The following C4orf54 variants were observed in gnomAD, a reference collection of about 807,000 sequenced individuals.
C4orf54 encodes the protein uncharacterized protein C4orf54.
C4orf54 carries 67 observed loss-of-function variants against 80.1 expected under a neutral mutation model. The ratio of observed to expected loss-of-function variants is 0.84; its 90% CI spans 0.69 to 1.03. C4orf54 has a LOEUF of 1.03. C4orf54 is among the 50% of genes least tolerant of loss of function. The pLI is 0.00. For missense variants in C4orf54, 2,434 were observed against 2,253.5 expected, an observed-to-expected ratio of 1.08 and a Z score of -1.62; for synonymous variants, 1,000 against 917.0, an observed-to-expected ratio of 1.09 and a Z score of -1.64.
Position 99,651,905 on chromosome 4 carries a change from G to C in C4orf54, c.2744C>G (p.Thr915Ser). Residue 915 changes from threonine to serine, a missense_variant, in exon 2 of 3, where the codon ACC becomes AGC. By Grantham distance (58) the Thr-to-Ser change is moderately conservative (BLOSUM62 1). Coordinates refer to ENST00000511828, the MANE Select transcript of C4orf54 (RefSeq NM_001354435.2). ...TTCACACACTTCTGTGTGTCCATCG[G>C]TGAAATTCCGGCCAGGGCCTGCGTT... ...ERNAGPGRNF[T>S]DGHTEVCEIK... The C allele has an allele frequency of 6.5e-7, 1 of 1,536,112 alleles. No homozygotes were observed. Among genetic ancestry groups the C allele is most frequent in the East Asian group, 2.4e-5 (1 of 40,898 alleles).
chr4:99,642,472 G>T (rs562542841), intron 2 of C4orf54, among the ~76,000 whole-genome samples: 1 of 152,098 alleles, frequency 6.6e-6, no homozygotes, highest in Non-Finnish European at 1.5e-5. Flanking sequence ...GGAGAAATCT[G>T]GTTATACAAT....
chr4:99,653,502 C>G lies in C4orf54; in HGVS notation c.1147G>C (p.Asp383His). The G allele has an allele frequency of 1.3e-6, 2 of 1,536,110 alleles. No individual in the cohort carries two copies. Among genetic ancestry groups the G allele is most frequent in the South Asian group, 1.2e-5 (1 of 84,052 alleles). ...IQLSEVEQDMDFDVGLASRWD... is the reference protein window; with the variant it reads ...IQLSEVEQDMHFDVGLASRWD... ...CGGGAGGCCAGTCCCACGTCGAAAT[C>G]CATGTCCTGTTCCACCTCACTCAGC... The change falls in exon 2 of 3, where the codon GAT becomes CAT. Residue 383 changes from aspartate to histidine, a missense_variant. Asp to His is a moderately conservative substitution (Grantham distance 81). Coordinates refer to ENST00000511828, the MANE Select transcript of C4orf54 (RefSeq NM_001354435.2).
At chr4:99,643,792 A>ACACACACCCCC (rs61130907) in intron 2 of C4orf54, among the ~76,000 whole-genome samples, 63 of 98,854 alleles carry the variant, frequency 6.4e-4, no homozygotes, top group Non-Finnish European at 9.4e-4. Context: ...ACACACACAC[A>ACACACACCCCC]CCCCCTCCGC....
At chr4:99,646,057 G>T (rs2110249878) in intron 2 of C4orf54, among the ~76,000 whole-genome samples, 1 of 152,142 alleles carries the variant, frequency 6.6e-6, no homozygotes, top group African/African-American at 2.4e-5. Context: ...ACATTTATAA[G>T]AGAATAATCA....
In C4orf54 at chr4:99,638,879, C is replaced by A. The variant is rs1181565595; in HGVS notation, c.*2354G>T. 1 of 152,100 alleles carries A rather than the reference C, an allele frequency of 6.6e-6. No homozygotes were observed. Among genetic ancestry groups the A allele is most frequent in the Non-Finnish European group, 1.5e-5 (1 of 67,972 alleles). 9.4% of individuals were successfully genotyped at this position (152,100 alleles called of 1,614,324 possible). Reference sequence around the variant, plus strand: ...TTAATAGAACATTATTTAAAAGTTGCGTTTTTAGCCACTTGGACATCACTG... The same window carrying A: ...TTAATAGAACATTATTTAAAAGTTGAGTTTTTAGCCACTTGGACATCACTG... On this transcript the variant is annotated 3_prime_UTR_variant, in exon 3 of 3. Transcript: ENST00000511828.
Position 99,649,317 on chromosome 4 carries a change from G to T in C4orf54, c.5332C>A (p.Pro1778Thr), listed in dbSNP as rs1041512270. 19 of 1,535,516 alleles carry T rather than the reference G, an allele frequency of 1.2e-5. No individual in the cohort carries two copies. Among genetic ancestry groups the T allele is most frequent in the Non-Finnish European group, 1.6e-5 (18 of 1,146,494 alleles). ...SQPLGPRIIA[P>T]PSFDGTTMSF... ...ATGGTGGTGCCATCAAAGGAAGGGG[G>T]AGCAATGATCCGTGGCCCCAGGGGC... Residue 1778 changes from proline (P) to threonine (T), a missense_variant, in exon 2 of 3, where the codon CCC becomes ACC. Physicochemically the swap from Pro to Thr is conservative, Grantham distance 38. Transcript: ENST00000511828.
intron 1 of C4orf54, among the ~76,000 whole-genome samples, chr4:99,655,176 G>C (rs1258186811): frequency 2.0e-5 from 3 of 152,054 alleles, no homozygotes; most frequent in Admixed American, 2.0e-4. Flanking sequence ...TATGAAACAC[G>C]ACCTGTTTGG....
In C4orf54 at chr4:99,651,728, G is replaced by T; in HGVS notation, c.2921C>A (p.Ala974Asp). The change falls in exon 2 of 3, where the codon GCT becomes GAT. Residue 974 changes from alanine to aspartate, a missense_variant. By Grantham distance (126) the Ala-to-Asp change is moderately radical. Coordinates refer to ENST00000511828, the MANE Select transcript of C4orf54 (RefSeq NM_001354435.2). ...GCTGGCAGAAATCTCCCCGAGATCAGCCCGCCAGTCGCCTCCTTTGGGCAG... is the reference window on the plus strand; with the variant it reads ...GCTGGCAGAAATCTCCCCGAGATCATCCCGCCAGTCGCCTCCTTTGGGCAG... ...LKLPKGGDWR[A>D]DLGEISASKN... 2.0e-6 allele frequency: 3 copies of T among 1,536,098 alleles called. No individual in the cohort carries two copies. Among genetic ancestry groups the T allele is most frequent in the Non-Finnish European group, 1.7e-6 (2 of 1,146,896 alleles).
Position 99,653,592 on chromosome 4 carries a change from A to G in C4orf54, c.1057T>C (p.Ser353Pro), listed in dbSNP as rs749647859. 2.3e-5 allele frequency: 35 copies of G among 1,535,538 alleles called. 1 individual carries two copies. The South Asian group carries it at 3.7e-4, about 16-fold the overall frequency. ...TTGGGGGGGTCCCTGCTGCCCTGGG[A>G]CTTGGCAATAATGTCCCTGCACTCT... Reference protein sequence around the residue: ...GTECRDIIAKSQGSRDPPKVE... With the variant: ...GTECRDIIAKPQGSRDPPKVE... The change falls in exon 2 of 3, where the codon TCC becomes CCC. Residue 353 changes from serine to proline, a missense_variant. Ser to Pro is a moderately conservative substitution (Grantham distance 74). Transcript: ENST00000511828.
At position 99,651,937 on chromosome 4, in the gene C4orf54, G is replaced by A. The variant is rs897883914; in HGVS notation, c.2712C>T (p.Arg904=). ...KSPVFKASTP[R]ERNAGPGRNF... ...TCCGGCCAGGGCCTGCGTTGCGCTC[G>A]CGAGGAGTACTGGCTTTGAAGACTG... Residue 904 remains arginine (R), a synonymous_variant, in exon 2 of 3, where the codon CGC becomes CGT. Coordinates refer to ENST00000511828, the MANE Select transcript of C4orf54 (RefSeq NM_001354435.2). 3 of 1,536,102 alleles carry A rather than the reference G, an allele frequency of 2.0e-6. No homozygotes were observed. Among genetic ancestry groups the A allele is most frequent in the African/African-American group, 2.7e-5 (2 of 73,170 alleles).
chr4:99,650,734 A>G lies in C4orf54; in HGVS notation c.3915T>C (p.Ala1305=). The G allele has an allele frequency of 6.5e-7, 1 of 1,536,124 alleles. No individual in the cohort carries two copies. The highest frequency in any genetic ancestry group is 8.7e-7 in the Non-Finnish European group (1 of 1,146,904). Residue 1305 remains alanine (A), a synonymous_variant, in exon 2 of 3, where the codon GCT becomes GCC. Coordinates refer to ENST00000511828, the MANE Select transcript of C4orf54 (RefSeq NM_001354435.2). ...TGGACAGCTTGTCGTGGTCTCCATC[A>G]GCAACCACTACCCCTTCCCTCTCCT... The part of the protein sequence containing the change: ...ASEEREGVVV[A]DGDHDKLSKR...
chr4:99,650,342 C>G lies in C4orf54; in HGVS notation c.4307G>C (p.Arg1436Pro), dbSNP rs760826665. Reference sequence around the variant, plus strand: ...GGTGGCTGGAGAGATCTTGAGGGACCGGAGTCCCTGCGACTTGATGCCCTT... The same window carrying G: ...GGTGGCTGGAGAGATCTTGAGGGACGGGAGTCCCTGCGACTTGATGCCCTT... ...AAKGIKSQGL[R>P]SLKISPATRA... Residue 1436 changes from arginine to proline, a missense_variant, in exon 2 of 3, where the codon CGG (arginine) becomes CCG (proline). By Grantham distance (103) the Arg-to-Pro change is moderately radical (BLOSUM62 -2). Transcript: ENST00000511828. The G allele has an allele frequency of 2.4e-5, 37 of 1,535,906 alleles. No individual in the cohort carries two copies. The highest frequency in any genetic ancestry group is 3.9e-5 in the Admixed American group (2 of 50,976).
In C4orf54 at chr4:99,650,126, G is replaced by T; in HGVS notation, c.4523C>A (p.Pro1508Gln). 6.5e-7 allele frequency: 1 copy of T among 1,535,976 alleles called. No homozygotes were observed. The highest frequency in any genetic ancestry group is 8.7e-7 in the Non-Finnish European group (1 of 1,146,870). ...GGGGACCTGACTGCGGGCACTCAGC[G>T]GGGGTAAACTACAGAGAGTGGCAGC... ...SSAATLCSLP[P>Q]LSARSQVPSS... is the part of the protein sequence containing the mutation. Residue 1508 changes from proline to glutamine, a missense_variant, in exon 2 of 3, where the codon CCG becomes CAG. Pro to Gln is a moderately conservative substitution (Grantham distance 76). Coordinates refer to ENST00000511828, the MANE Select transcript of C4orf54 (RefSeq NM_001354435.2).
At chr4:99,646,376 T>C (rs1392538604) in intron 2 of C4orf54, among the ~76,000 whole-genome samples, 1 of 152,212 alleles carries the variant, frequency 6.6e-6, no homozygotes, top group Non-Finnish European at 1.5e-5. Context: ...TAGTGCATTT[T>C]GTTGAAACAT....
At position 99,652,311 on chromosome 4, in the gene C4orf54, C is replaced by T. The variant is rs1341324338; in HGVS notation, c.2338G>A (p.Gly780Arg). 12 of 1,535,744 alleles carry T rather than the reference C, an allele frequency of 7.8e-6. No homozygotes were observed. Among genetic ancestry groups the T allele is most frequent in the Admixed American group, 2.0e-5 (1 of 50,972 alleles). The change falls in exon 2 of 3, where the codon GGG becomes AGG. Residue 780 changes from glycine (G) to arginine (R), a missense_variant. Physicochemically the swap from Gly to Arg is moderately radical, Grantham distance 125 (BLOSUM62 -2). Coordinates refer to ENST00000511828, the MANE Select transcript of C4orf54 (RefSeq NM_001354435.2). ...GAGCCGTCGTCCGTGTATGCCGACC[C>T]GGGACCCTTGCCGGGGCCTTTGGTG... ...RATKGPGKGP[G>R]SAYTDDGSET...
intron 2 of C4orf54, among the ~76,000 whole-genome samples, 165 bp downstream of exon 2, chr4:99,649,066 G>A (rs1361156282): frequency 1.3e-5 from 2 of 152,180 alleles, no homozygotes. Flanking sequence ...GGGAATCCTG[G>A]CAAAATTATC....
At position 99,653,971 on chromosome 4, in the gene C4orf54, C is replaced by G. The variant is rs1384856940; in HGVS notation, c.678G>C (p.Arg226Ser). 4.0e-5 allele frequency: 61 copies of G among 1,536,034 alleles called. 1 individual carries two copies. The highest frequency in any genetic ancestry group is 5.1e-5 in the Non-Finnish European group (58 of 1,146,914). ...GHCPGGQRAS[R>S]SPKEKAQDEP... Reference sequence around the variant, plus strand: ...CATCTTGGGCTTTCTCCTTTGGGCTCCTAGAGGCCCTCTGACCCCCAGGGC... The same window carrying G: ...CATCTTGGGCTTTCTCCTTTGGGCTGCTAGAGGCCCTCTGACCCCCAGGGC... The change falls in exon 2 of 3, where the codon AGG (arginine) becomes AGC (serine). Residue 226 changes from arginine (R) to serine (S), a missense_variant. Transcript: ENST00000511828.
rs1480992885 is a variant in C4orf54 at position 99,650,466 on chromosome 4, G to A, written c.4183C>T (p.Arg1395Trp). 3.3e-5 allele frequency: 51 copies of A among 1,536,000 alleles called. No individual in the cohort carries two copies. Among genetic ancestry groups the A allele is most frequent in the Non-Finnish European group, 4.2e-5 (48 of 1,146,910 alleles). Residue 1395 changes from arginine (R) to tryptophan (W), a missense_variant, in exon 2 of 3, where the codon CGG (arginine) becomes TGG (tryptophan). Coordinates refer to ENST00000511828, the MANE Select transcript of C4orf54 (RefSeq NM_001354435.2). Reference sequence around the variant, plus strand: ...CTGGCACTCACTGTGAACACGTTCCGGTTGCTGGGGAGTGGTGGGAGGGGC... The same window carrying A: ...CTGGCACTCACTGTGAACACGTTCCAGTTGCTGGGGAGTGGTGGGAGGGGC... ...LQPLPPLPSNRNVFTVSASSI... is the reference protein window; with the variant it reads ...LQPLPPLPSNWNVFTVSASSI...
chr4:99,655,762 G>A (rs1237150024), intron 1 of C4orf54, among the ~76,000 whole-genome samples: 1 of 152,152 alleles, frequency 6.6e-6, no homozygotes, highest in Non-Finnish European at 1.5e-5. Context: ...ATTTTGGTGA[G>A]ATCTGACCCT....
Sources: allele counts gnomAD v4.1 joint callset (sites outside exome capture counted in the v4.1 genomes callset), GRCh38; gene constraint gnomAD v4.1.1; transcripts MANE v1.5; gene names NCBI Gene and HGNC (gene_info 2026-07-23, HGNC 2026-07-21).